The following CDK14 variants were observed in gnomAD, a reference collection of about 807,000 sequenced individuals.
CDK14 encodes cyclin-dependent kinase 14.
A neutral mutation model predicts 60.7 loss-of-function variants in CDK14; 34 were observed. The observed-to-expected ratio is 0.56, with a 90% CI of 0.43 to 0.75. The LOEUF is 0.75. CDK14 is among the 30% of genes least tolerant of loss of function. CDK14 has a pLI of 0.00. For synonymous variants in CDK14, 197 were observed against 203.7 expected, an observed-to-expected ratio of 0.97 and a Z score of 0.28; for missense variants, 482 against 564.1, an observed-to-expected ratio of 0.85 and a Z score of 1.47.
intron 2 of CDK14, among the ~76,000 whole-genome samples, chr7:90,637,179 T>G (rs1800174092): frequency 2.6e-5 from 4 of 151,768 alleles, no homozygotes; most frequent in Admixed American, 6.6e-5. Context: ...TCTGCTAGCT[T>G]TTGAATGTGT....
chr7:90,658,359 C>T (rs1458005091), intron 2 of CDK14, among the ~76,000 whole-genome samples: 3 of 152,204 alleles, frequency 2.0e-5, no homozygotes, highest in Non-Finnish European at 4.4e-5. Context: ...TGAAGTCTTA[C>T]TGTATACTCA....
intron 7 of CDK14, among the ~76,000 whole-genome samples, chr7:90,914,004 A>C (rs1026207908): frequency 6.6e-6 from 1 of 152,088 alleles, no homozygotes; most frequent in African/African-American, 2.4e-5. Flanking sequence ...AAAGTTTTCT[A>C]ATGGTTTTCA....
chr7:90,811,020 T>C (rs1337927366), intron 5 of CDK14, among the ~76,000 whole-genome samples: 1 of 152,190 alleles, frequency 6.6e-6, no homozygotes, highest in Non-Finnish European at 1.5e-5. Flanking sequence ...AGAATCAATA[T>C]CGTGAGAATG....
At chr7:90,631,137 G>T (rs1799989034) in intron 2 of CDK14, among the ~76,000 whole-genome samples, 1 of 152,050 alleles carries the variant, frequency 6.6e-6, no homozygotes, top group Non-Finnish European at 1.5e-5. Flanking sequence ...TCTGGTCTTG[G>T]TTTATTTCTC....
intron 14 of CDK14, among the ~76,000 whole-genome samples, chr7:91,184,516 G>T (rs571314342): frequency 6.6e-6 from 1 of 152,174 alleles, no homozygotes; most frequent in South Asian, 2.1e-4. Context: ...CCCAAATGAA[G>T]GGAAAGCTGA....
chr7:91,133,192 G>T (rs1422229310), intron 14 of CDK14, among the ~76,000 whole-genome samples: 1 of 152,028 alleles, frequency 6.6e-6, no homozygotes, highest in Non-Finnish European at 1.5e-5. Context: ...CAGTCAATTG[G>T]TGTGCAAAAG....
intron 6 of CDK14, among the ~76,000 whole-genome samples, chr7:90,869,025 G>T (rs1207974721): frequency 6.6e-6 from 1 of 152,284 alleles, no homozygotes; most frequent in East Asian, 1.9e-4. Context: ...TTTTCAACTT[G>T]CTACAGAATT....
chr7:91,107,055 G>C (rs938972800), intron 12 of CDK14, among the ~76,000 whole-genome samples: 12 of 152,194 alleles, frequency 7.9e-5, no homozygotes, highest in Non-Finnish European at 1.3e-4. Context: ...ACCTAGATGG[G>C]TAAACCTAGG....
At chr7:90,987,917 G>A (rs1236867703) in intron 10 of CDK14, among the ~76,000 whole-genome samples, 2 of 152,042 alleles carry the variant, frequency 1.3e-5, no homozygotes, top group African/African-American at 2.4e-5. Context: ...CATGAAACAT[G>A]GGATTATTTG....
At chr7:91,145,099 A>G (rs1800585769) in intron 14 of CDK14, among the ~76,000 whole-genome samples, 1 of 152,210 alleles carries the variant, frequency 6.6e-6, no homozygotes, top group South Asian at 2.1e-4. Flanking sequence ...CTTAAAAACA[A>G]AAAGAATTGG....
At chr7:91,055,697 A>G (rs1057120348) in intron 11 of CDK14, among the ~76,000 whole-genome samples, 4 of 152,220 alleles carry the variant, frequency 2.6e-5, no homozygotes, top group Non-Finnish European at 5.9e-5. Context: ...CAACCCACCT[A>G]AGAGTATTAA....
intron 4 of CDK14, among the ~76,000 whole-genome samples, chr7:90,779,210 G>A (rs975796737): frequency 2.2e-4 from 34 of 152,022 alleles, no homozygotes; most frequent in African/African-American, 7.2e-4. Flanking sequence ...CCGAGATTGC[G>A]CCATTGTACT....
intron 14 of CDK14, among the ~76,000 whole-genome samples, chr7:91,204,120 A>G (rs1430405140): frequency 6.6e-6 from 1 of 152,174 alleles, no homozygotes; most frequent in Admixed American, 6.5e-5. Context: ...GATTTGAGAT[A>G]ATAACTGTTG....
chr7:90,912,850 G>T (rs3779570), intron 7 of CDK14, among the ~76,000 whole-genome samples: 29,251 of 152,036 alleles, frequency 0.19, 3,005 homozygotes, highest in African/African-American at 0.25. Flanking sequence ...GAAGTCAAGT[G>T]ATCCATCTAC....
rs1789080811 is a variant in CDK14 at position 90,811,037 on chromosome 7, C to T, written c.544+20385C>T. 2.6e-5 allele frequency among the ~76,000 whole-genome samples: 4 copies of T among 152,324 alleles called. No individual in the cohort carries two copies. In the South Asian group the frequency reaches 8.3e-4, roughly 32 times the overall value. ...AATCAATATCGTGAGAATGGCCATA[C>T]TGCCCAAGGTAATTTATAGATTCAG... On this transcript the variant is annotated intron_variant, in intron 5 of 14. Transcript: ENST00000380050.
intron 5 of CDK14, among the ~76,000 whole-genome samples, chr7:90,859,729 A>AGG (rs1790943084): frequency 6.6e-6 from 1 of 152,130 alleles, no homozygotes; most frequent in Non-Finnish European, 1.5e-5. Context: ...GGAATAACAC[A>AGG]TCATTACCCA....
intron 5 of CDK14, among the ~76,000 whole-genome samples, chr7:90,838,249 A>G (rs1790178468): frequency 6.6e-6 from 1 of 152,186 alleles, no homozygotes. Context: ...AGTTCCCAAA[A>G]TTAATACTTT....
intron 14 of CDK14, among the ~76,000 whole-genome samples, chr7:91,148,320 C>G (rs1477835539): frequency 6.6e-6 from 1 of 151,972 alleles, no homozygotes; most frequent in Non-Finnish European, 1.5e-5. Flanking sequence ...CTGTAGTGAA[C>G]TATGATCATG....
chr7:90,596,815 G>C (rs1304775967), intron 1 of CDK14, 97 bp downstream of exon 1: 2 of 1,036,998 alleles, frequency 1.9e-6, no homozygotes, highest in Non-Finnish European at 2.9e-6. Flanking sequence ...TGCCAGCGGG[G>C]CTGGCGTGGG....
Sources: gnomAD v4.1 joint callset for allele counts (sites outside exome capture counted in the v4.1 genomes callset) on GRCh38, gnomAD v4.1.1 for gene constraint, MANE v1.5 for transcripts, NCBI Gene and HGNC (gene_info 2026-07-23, HGNC 2026-07-21) for gene names.